The following DEPTOR variants were observed in gnomAD, a reference collection of about 807,000 sequenced individuals.
DEPTOR encodes the protein DEP domain-containing mTOR-interacting protein.
In DEPTOR, 41 loss-of-function variants were observed where a neutral mutation model predicts 41.6. The ratio of observed to expected loss-of-function variants is 0.98; its 90% CI spans 0.77 to 1.28. DEPTOR has a LOEUF of 1.28. Ranked by LOEUF, DEPTOR falls within the 50% of genes most tolerant of loss-of-function variation. The probability of loss-of-function intolerance (pLI) is 0.00; values close to 1 mark genes in which losing one functional copy is unlikely to be tolerated. For missense variants in DEPTOR, 514 were observed against 527.9 expected (o/e 0.97, Z 0.26); for synonymous variants, 195 against 192.3 (o/e 1.01, Z -0.12).
In DEPTOR at chr8:120,001,596, A is replaced by C. The variant is rs369251147; in HGVS notation, c.676A>C (p.Arg226=). ...QFRMNFRRRR[R]LMELLNEKSP... ...CAGAATGAACTTCCGGCGGAGGCGA[A>C]GACTGATGGAGCTGCTCAATGAAAA... is the stretch of plus-strand genomic sequence containing the variant. Residue 226 remains arginine (R), a synonymous_variant, in exon 5 of 9, where the codon AGA becomes CGA. Transcript: ENST00000286234. 107 of 1,613,984 alleles carry C rather than the reference A, an allele frequency of 6.6e-5. No homozygotes were observed. The highest frequency in any genetic ancestry group is 5.1e-4 in the African/African-American group (38 of 74,996).
chr8:119,974,497 C>A (rs1394731640), intron 4 of DEPTOR, among the ~76,000 whole-genome samples: 2 of 151,284 alleles, frequency 1.3e-5, no homozygotes, highest in Non-Finnish European at 2.9e-5. Context: ...TCAGGCCAGG[C>A]GTGGTGGCTC....
chr8:119,978,788 A>C (rs143276233), intron 4 of DEPTOR, among the ~76,000 whole-genome samples: 2,037 of 152,278 alleles, frequency 0.013, 27 homozygotes, highest in Non-Finnish European at 0.02. Flanking sequence ...TTCTTCCTCT[A>C]AAAGTTTTTC....
At chr8:119,933,407 G>T (rs572755149) in intron 3 of DEPTOR, among the ~76,000 whole-genome samples, 3 of 149,458 alleles carry the variant, frequency 2.0e-5, no homozygotes, top group African/African-American at 7.4e-5. Context: ...CAGGAGAATC[G>T]CTTGAACCTG....
chr8:119,931,957 AGATTATTAT>A (rs944819907), intron 3 of DEPTOR, among the ~76,000 whole-genome samples: 3 of 123,826 alleles, frequency 2.4e-5, no homozygotes, highest in African/African-American at 9.6e-5. Flanking sequence ...TAATTAAAAA[AGATTATTAT>A]TATTATTATT....
intron 3 of DEPTOR, among the ~76,000 whole-genome samples, chr8:119,958,335 C>A (rs1463762178): frequency 6.6e-6 from 1 of 152,122 alleles, no homozygotes; most frequent in African/African-American, 2.4e-5. Context: ...AGACCTGCCC[C>A]CTTTCATGGT....
At chr8:120,042,912 C>T (rs1032698971) in intron 8 of DEPTOR, among the ~76,000 whole-genome samples, 1 of 151,190 alleles carries the variant, frequency 6.6e-6, no homozygotes, top group East Asian at 2.0e-4. Context: ...TGCAGTAGTG[C>T]AATCTTGGCT....
intron 6 of DEPTOR, 97 bp downstream of exon 6, chr8:120,003,208 G>A (rs1812383301): frequency 6.5e-7 from 1 of 1,538,698 alleles, no homozygotes; most frequent in Non-Finnish European, 8.7e-7. Context: ...TAGTGTGTGG[G>A]TTCTAATAAG....
At chr8:119,966,651 T>A (rs1368055344) in intron 4 of DEPTOR, among the ~76,000 whole-genome samples, 1 of 152,064 alleles carries the variant, frequency 6.6e-6, no homozygotes, top group East Asian at 1.9e-4. Flanking sequence ...GCACTAATTT[T>A]TGTATTTTTA....
At chr8:119,946,184 G>A (rs1828272398) in intron 3 of DEPTOR, among the ~76,000 whole-genome samples, 1 of 152,034 alleles carries the variant, frequency 6.6e-6, no homozygotes, top group African/African-American at 2.4e-5. Context: ...ATGGAAAAAG[G>A]CACCAAATTG....
chr8:119,928,247 C>T (rs1827987647), intron 1 of DEPTOR, among the ~76,000 whole-genome samples, 153 bp from the exon 2 acceptor site: 1 of 152,104 alleles, frequency 6.6e-6, no homozygotes, highest in Non-Finnish European at 1.5e-5. Context: ...AGCCTTTGAA[C>T]TCTGACAGTA....
intron 3 of DEPTOR, 88 bp from the exon 4 acceptor site, chr8:119,965,144 T>C: frequency 7.1e-7 from 1 of 1,401,794 alleles, no homozygotes; most frequent in South Asian, 1.5e-5. Flanking sequence ...ACAACTTTGC[T>C]GTAGTACTTC....
intron 8 of DEPTOR, among the ~76,000 whole-genome samples, chr8:120,040,890 ATCT>A (rs1813057349): frequency 6.6e-6 from 1 of 152,166 alleles, no homozygotes; most frequent in South Asian, 2.1e-4. Flanking sequence ...GCTACTTAAC[ATCT>A]TGTTCTGCTT....
intron 4 of DEPTOR, among the ~76,000 whole-genome samples, chr8:119,983,916 A>C (rs1163731236): frequency 6.6e-6 from 1 of 152,128 alleles, no homozygotes; most frequent in African/African-American, 2.4e-5. Context: ...TTATCTCTTC[A>C]GTCTCAAAAG....
intron 8 of DEPTOR, among the ~76,000 whole-genome samples, chr8:120,013,943 G>A (rs1254014048): frequency 2.0e-5 from 3 of 151,456 alleles, no homozygotes; most frequent in Non-Finnish European, 2.9e-5. Context: ...GGGTTCAAGC[G>A]ATTCTCCTGC....
intron 8 of DEPTOR, among the ~76,000 whole-genome samples, chr8:120,017,216 C>G (rs1038164506): frequency 6.6e-6 from 1 of 152,204 alleles, no homozygotes; most frequent in Admixed American, 6.5e-5. Context: ...CCTATGATCT[C>G]TCACTGTTCC....
chr8:120,036,772 A>G (rs1340230716), intron 8 of DEPTOR, among the ~76,000 whole-genome samples: 1 of 152,236 alleles, frequency 6.6e-6, no homozygotes, highest in Non-Finnish European at 1.5e-5. Context: ...TTGGTGAAGG[A>G]CCATCCAGGA....
chr8:119,941,052 G>C (rs113168876), intron 3 of DEPTOR, among the ~76,000 whole-genome samples: 1 of 152,066 alleles, frequency 6.6e-6, no homozygotes, highest in African/African-American at 2.4e-5. Flanking sequence ...ACTGCTATGA[G>C]TGTACTTCGT....
intron 4 of DEPTOR, among the ~76,000 whole-genome samples, chr8:119,966,747 G>T (rs1213556564): frequency 6.6e-6 from 1 of 152,156 alleles, no homozygotes; most frequent in Non-Finnish European, 1.5e-5. Flanking sequence ...GAAGAACTGG[G>T]ATTACAGGCG....
intron 4 of DEPTOR, among the ~76,000 whole-genome samples, chr8:119,972,499 G>A (rs563756592): frequency 4.6e-5 from 7 of 151,940 alleles, no homozygotes; most frequent in South Asian, 4.2e-4. Flanking sequence ...AGCATGTGCC[G>A]GTAGTCCCAG....
Sources: allele counts gnomAD v4.1 joint callset (sites outside exome capture counted in the v4.1 genomes callset), GRCh38; gene constraint gnomAD v4.1.1; transcripts MANE v1.5; gene names NCBI Gene and HGNC (gene_info 2026-07-23, HGNC 2026-07-21).